Variants in TDRD3 observed in about 807,000 individuals in gnomAD.
TDRD3 encodes the protein tudor domain-containing protein 3.
TDRD3 carries 45 observed loss-of-function variants against 86.7 expected under a neutral mutation model. That is an observed-to-expected ratio of 0.52 (90% CI 0.41 to 0.67). The LOEUF (loss-of-function observed/expected upper bound fraction) is 0.67, where lower values mean the gene tolerates loss of function less well. TDRD3 is among the 30% of genes least tolerant of loss of function. The probability of loss-of-function intolerance (pLI) is 0.00; values close to 1 mark genes in which losing one functional copy is unlikely to be tolerated. For synonymous variants in TDRD3, 298 were observed against 301.7 expected, an observed-to-expected ratio of 0.99 and a Z score of 0.13; for missense variants, 814 against 889.0, an observed-to-expected ratio of 0.92 and a Z score of 1.07.
At position 60,397,311 on chromosome 13, in the gene TDRD3, C is replaced by T. The variant is rs1953944781; in HGVS notation, c.-54C>T. 2.1e-6 allele frequency: 2 copies of T among 961,462 alleles called. No homozygotes were observed. The highest frequency in any genetic ancestry group is 1.9e-5 in the South Asian group (1 of 53,984). The allele number at this position is 961,462 out of a possible 1,614,324, so 59.6% of individuals were successfully genotyped here. A position where few individuals can be genotyped will look rare whatever the true frequency, so the allele number is the denominator to read the frequency against. On this transcript the variant is annotated 5_prime_UTR_variant, in exon 1 of 14. Transcript: ENST00000377881. ...AAGGGGGGGGGTCTCAAGTAGGAGG[C>T]CTCCCCATCACCCCCACCCCAGCCC... is the stretch of plus-strand genomic sequence containing the variant.
chr13:60,446,030 T>C (rs1261568555), intron 3 of TDRD3, among the ~76,000 whole-genome samples: 2 of 152,154 alleles, frequency 1.3e-5, no homozygotes, highest in East Asian at 1.9e-4. Flanking sequence ...AAAATAACTT[T>C]AAAACTTTCT....
chr13:60,446,224 G>T (rs1046932187), intron 3 of TDRD3, among the ~76,000 whole-genome samples: 19 of 151,898 alleles, frequency 1.3e-4, no homozygotes, highest in Admixed American at 9.2e-4. Flanking sequence ...ATTATTCACA[G>T]AATTATTATT....
At chr13:60,560,130 C>G (rs577868574) in intron 12 of TDRD3, among the ~76,000 whole-genome samples, 2 of 151,886 alleles carry the variant, frequency 1.3e-5, no homozygotes, top group Admixed American at 1.3e-4. Context: ...AAATATATAC[C>G]GTATGATGCA....
chr13:60,467,219 A>T lies in TDRD3; in HGVS notation c.354-19A>T. 1 of 1,611,894 alleles carries T rather than the reference A, an allele frequency of 6.2e-7. No homozygotes were observed. Among genetic ancestry groups the T allele is most frequent in the Admixed American group, 1.7e-5 (1 of 59,344 alleles). ...TTCTCAGCTTCAATATGTTTTTAACACTTTTCTCTTTGCTTTAGCCTGAAC... is the reference window on the plus strand; with the variant it reads ...TTCTCAGCTTCAATATGTTTTTAACTCTTTTCTCTTTGCTTTAGCCTGAAC... On this transcript the variant is annotated intron_variant, in intron 4 of 13. Transcript: ENST00000377881.
chr13:60,397,513 T>A, intron 1 of TDRD3, 108 bp downstream of exon 1: 1 of 965,284 alleles, frequency 1.0e-6, no homozygotes, highest in Non-Finnish European at 1.4e-6. Flanking sequence ...GAGGCTGTCG[T>A]CCGCCCCCGG....
intron 4 of TDRD3, among the ~76,000 whole-genome samples, chr13:60,461,337 C>T (rs759124765): frequency 6.6e-6 from 1 of 151,978 alleles, no homozygotes; most frequent in Non-Finnish European, 1.5e-5. Flanking sequence ...TTTTCCAAAC[C>T]CTTTGTTTGG....
Position 60,444,870 on chromosome 13 carries a change from G to A in TDRD3, c.192+122G>A, listed in dbSNP as rs559404947. The stretch of plus-strand genomic sequence containing the variant: ...TGCAAAATACTCTGGAGGTGAACAG[G>A]TCACAAAGTCATTGTTATGGTGACT... On this transcript the variant is annotated intron_variant, in intron 3 of 13. Coordinates refer to ENST00000377881, the MANE Select transcript of TDRD3 (RefSeq NM_001146070.2). 9.4e-5 allele frequency: 43 copies of A among 455,512 alleles called. No homozygotes were observed. The South Asian group carries it at 2.4e-3, about 26-fold the overall frequency. The allele number at this position is 455,512 out of a possible 1,614,324, so 28.2% of individuals were successfully genotyped here. A position where few individuals can be genotyped will look rare whatever the true frequency, so the allele number is the denominator to read the frequency against.
chr13:60,494,156 G>A (rs1320348761), intron 7 of TDRD3, among the ~76,000 whole-genome samples: 1 of 152,116 alleles, frequency 6.6e-6, no homozygotes, highest in Non-Finnish European at 1.5e-5. Context: ...AATGCTTGTA[G>A]TATTTTCTTC....
At chr13:60,397,182 C>T (rs1953936978), upstream of TDRD3, 1 of 411,156 alleles carries the variant, frequency 2.4e-6, no homozygotes, top group Non-Finnish European at 4.3e-6. Context: ...GCTCAGAAAA[C>T]GCGGCGAGCG....
At chr13:60,533,043 AT>A (rs1180180800) in intron 11 of TDRD3, among the ~76,000 whole-genome samples, 1 of 152,166 alleles carries the variant, frequency 6.6e-6, no homozygotes, top group Non-Finnish European at 1.5e-5. Flanking sequence ...AACTGGCATA[AT>A]TTGGCAACTC....
At chr13:60,402,897 A>G (rs1050035637) in intron 1 of TDRD3, among the ~76,000 whole-genome samples, 3 of 152,202 alleles carry the variant, frequency 2.0e-5, no homozygotes, top group Admixed American at 6.5e-5. Context: ...CTTATTGGAG[A>G]CATCCTTCTA....
chr13:60,485,252 T>A (rs1379187666), intron 6 of TDRD3, among the ~76,000 whole-genome samples: 1 of 152,078 alleles, frequency 6.6e-6, no homozygotes, highest in African/African-American at 2.4e-5. Context: ...GGGCTTCTTT[T>A]TAGGCAGTGA....
At chr13:60,480,327 T>C (rs1956282621) in intron 5 of TDRD3, among the ~76,000 whole-genome samples, 1 of 152,220 alleles carries the variant, frequency 6.6e-6, no homozygotes, top group African/African-American at 2.4e-5. Flanking sequence ...GGCCCCACTC[T>C]CTTTTGGCTT....
At chr13:60,459,597 C>T (rs1423359323) in intron 3 of TDRD3, among the ~76,000 whole-genome samples, 2 of 152,204 alleles carry the variant, frequency 1.3e-5, no homozygotes, top group African/African-American at 2.4e-5. Flanking sequence ...GCACTTTAAA[C>T]TTGATGTCTC....
intron 2 of TDRD3, among the ~76,000 whole-genome samples, chr13:60,441,760 G>T (rs1014618201): frequency 6.6e-6 from 1 of 152,022 alleles, no homozygotes; most frequent in Non-Finnish European, 1.5e-5. Flanking sequence ...CTTTCTATGG[G>T]GTAGACACTG....
intron 1 of TDRD3, among the ~76,000 whole-genome samples, chr13:60,435,106 C>T (rs1248851074): frequency 6.6e-6 from 1 of 152,110 alleles, no homozygotes; most frequent in African/African-American, 2.4e-5. Context: ...AATTTAGGCT[C>T]AGTCCTTCTG....
Position 60,535,202 on chromosome 13 carries a change from G to A in TDRD3, c.2087G>A (p.Ser696Asn), listed in dbSNP as rs771203453. 3.1e-6 allele frequency: 5 copies of A among 1,613,766 alleles called. No homozygotes were observed. In the South Asian group the frequency reaches 5.5e-5, roughly 18 times the overall value. ...DYGNYEEVLL[S>N]NIKPIQTEAW... is the part of the protein sequence containing the mutation. ...GGAAACTATGAAGAGGTGCTACTGAGCAATATCAAGCCCATTCAAACAGAG... is the reference window on the plus strand; with the variant it reads ...GGAAACTATGAAGAGGTGCTACTGAACAATATCAAGCCCATTCAAACAGAG... The change falls in exon 12 of 14, where the codon AGC becomes AAC. Residue 696 changes from serine (S) to asparagine (N), a missense_variant. Physicochemically the swap from Ser to Asn is conservative, Grantham distance 46. Transcript: ENST00000377881.
intron 12 of TDRD3, among the ~76,000 whole-genome samples, chr13:60,551,754 A>G (rs1958059986): frequency 6.6e-6 from 1 of 152,220 alleles, no homozygotes; most frequent in Admixed American, 6.5e-5. Flanking sequence ...ACAGTTCTGC[A>G]TAGCTGGAGA....
At chr13:60,565,140 T>C (rs976224856) in intron 12 of TDRD3, among the ~76,000 whole-genome samples, 11 of 142,212 alleles carry the variant, frequency 7.7e-5, no homozygotes, top group East Asian at 6.4e-4. Context: ...ACTGCAAGCT[T>C]CGCCTCCCGG....
Sources: allele counts gnomAD v4.1 joint callset (sites outside exome capture counted in the v4.1 genomes callset), GRCh38; gene constraint gnomAD v4.1.1; transcripts MANE v1.5; gene names NCBI Gene and HGNC (gene_info 2026-07-23, HGNC 2026-07-21).